Variants in NEK7 observed in about 807,000 individuals in gnomAD.
NEK7 encodes the protein NIMA related kinase 7.
In NEK7, 18 loss-of-function variants were observed where a neutral mutation model predicts 44.6. The ratio of observed to expected loss-of-function variants is 0.40; its 90% CI spans 0.28 to 0.60. NEK7 has a LOEUF of 0.60. NEK7 is among the 20% of genes least tolerant of loss of function. The probability of loss-of-function intolerance (pLI) is 0.38; values close to 1 mark genes in which losing one functional copy is unlikely to be tolerated. For missense variants in NEK7, 256 were observed against 366.5 expected (o/e 0.70, Z 2.46); for synonymous variants, 130 against 121.1 (o/e 1.07, Z -0.48).
intron 7 of NEK7, among the ~76,000 whole-genome samples, chr1:198,286,690 T>C (rs1654381446): frequency 6.6e-6 from 1 of 152,214 alleles, no homozygotes; most frequent in African/African-American, 2.4e-5. Flanking sequence ...AACATCAAGG[T>C]ATCTGTAGGA....
At chr1:198,209,502 A>G (rs929292198) in intron 1 of NEK7, among the ~76,000 whole-genome samples, 1 of 152,258 alleles carries the variant, frequency 6.6e-6, no homozygotes, top group African/African-American at 2.4e-5. Context: ...TAACTATGCA[A>G]TTAACTAAAT....
At chr1:198,209,611 A>G (rs1398096568) in intron 1 of NEK7, among the ~76,000 whole-genome samples, 1 of 152,048 alleles carries the variant, frequency 6.6e-6, no homozygotes, top group Non-Finnish European at 1.5e-5. Context: ...TATTTCATAC[A>G]TTTTAAAATA....
At chr1:198,232,765 G>C in intron 2 of NEK7, 128 bp downstream of exon 2, 1 of 442,814 alleles carries the variant, frequency 2.3e-6, no homozygotes, top group Non-Finnish European at 4.0e-6. Context: ...GAATTTCCAA[G>C]TTTTAATCAG....
chr1:198,276,331 G>A (rs1654017242), intron 5 of NEK7, among the ~76,000 whole-genome samples: 2 of 151,562 alleles, frequency 1.3e-5, no homozygotes, highest in Admixed American at 1.3e-4. Context: ...CACATGATAT[G>A]TTATATTTAT....
At position 198,253,097 on chromosome 1, in the gene NEK7, A is replaced by G; in HGVS notation, c.115A>G (p.Lys39Glu). ...NTLANFRIEK[K>E]IGRGQFSEVY... Reference sequence around the variant, plus strand: ...ATTAGCCAACTTTCGAATAGAAAAGAAAATTGGTCGCGGACAATTTAGTGA... The same window carrying G: ...ATTAGCCAACTTTCGAATAGAAAAGGAAATTGGTCGCGGACAATTTAGTGA... Residue 39 changes from lysine to glutamate, a missense_variant, in exon 3 of 10, where the codon AAA becomes GAA. Around this residue, in one of 3 missense-constraint regions of NEK7, gnomAD observed 96 missense variants for 94.9 expected, o/e 1.01. Transcript: ENST00000367385. 1.2e-6 allele frequency: 2 copies of G among 1,612,298 alleles called. No homozygotes were observed. The highest frequency in any genetic ancestry group is 1.7e-6 in the Non-Finnish European group (2 of 1,178,574).
chr1:198,227,787 T>A (rs372783730), intron 1 of NEK7, among the ~76,000 whole-genome samples: 1 of 152,120 alleles, frequency 6.6e-6, no homozygotes, highest in Non-Finnish European at 1.5e-5. Context: ...CAGATGAATA[T>A]ATTGCAAAAA....
intron 1 of NEK7, chr1:198,198,168 C>T (rs1366515230): frequency 2.7e-5 from 20 of 753,210 alleles, no homozygotes; most frequent in African/African-American, 5.5e-5. Flanking sequence ...CCTGGCTGGC[C>T]GGCATTGGGA....
At chr1:198,255,894 C>T (rs1385940110) in intron 3 of NEK7, among the ~76,000 whole-genome samples, 2 of 152,128 alleles carry the variant, frequency 1.3e-5, no homozygotes, top group East Asian at 1.9e-4. Flanking sequence ...TGACATATTA[C>T]ACTTGTGCTG....
intron 1 of NEK7, among the ~76,000 whole-genome samples, chr1:198,183,135 G>C (rs574364105): frequency 6.6e-6 from 1 of 152,178 alleles, no homozygotes; most frequent in Non-Finnish European, 1.5e-5. Context: ...CAAAATGGTG[G>C]TATTTGTGAA....
chr1:198,270,721 T>G (rs1005715075), intron 5 of NEK7, among the ~76,000 whole-genome samples: 1 of 152,096 alleles, frequency 6.6e-6, no homozygotes, highest in African/African-American at 2.4e-5. Flanking sequence ...TAAGATTAAT[T>G]TTACATACTG....
At chr1:198,255,521 G>T (rs1336800961) in intron 3 of NEK7, among the ~76,000 whole-genome samples, 2 of 152,092 alleles carry the variant, frequency 1.3e-5, no homozygotes, top group South Asian at 2.1e-4. Flanking sequence ...ATGGAGGAAG[G>T]GGTGGAGGGA....
chr1:198,179,677 G>A (rs926170231), intron 1 of NEK7, among the ~76,000 whole-genome samples: 4 of 152,146 alleles, frequency 2.6e-5, no homozygotes, highest in African/African-American at 9.6e-5. Context: ...CTTGAGGACT[G>A]CCTTTATAGT....
intron 1 of NEK7, among the ~76,000 whole-genome samples, chr1:198,200,403 T>C (rs190862261): frequency 1.6e-3 from 238 of 152,286 alleles, no homozygotes; most frequent in Non-Finnish European, 2.1e-3. Context: ...AGGCTTTAAA[T>C]GGTACCACCA....
intron 1 of NEK7, among the ~76,000 whole-genome samples, chr1:198,163,318 C>T (rs1224926395): frequency 3.3e-5 from 5 of 151,944 alleles, no homozygotes; most frequent in Admixed American, 6.6e-5. Flanking sequence ...TATAGTGAGA[C>T]CCTGTCACTA....
chr1:198,302,160 T>A (rs1053056208), intron 9 of NEK7, among the ~76,000 whole-genome samples: 1 of 152,178 alleles, frequency 6.6e-6, no homozygotes, highest in Non-Finnish European at 1.5e-5. Flanking sequence ...ATTTGTTTTT[T>A]AAAAAGATCA....
At chr1:198,198,510 C>A (rs551931067) in intron 1 of NEK7, among the ~76,000 whole-genome samples, 4 of 152,188 alleles carry the variant, frequency 2.6e-5, no homozygotes, top group Non-Finnish European at 4.4e-5. Flanking sequence ...GATTTTCAAG[C>A]CTGTCGACCC....
intron 9 of NEK7, among the ~76,000 whole-genome samples, chr1:198,302,982 CCT>C (rs2103022792): frequency 6.6e-6 from 1 of 152,192 alleles, no homozygotes; most frequent in South Asian, 2.1e-4. Context: ...TTATTTTTCT[CCT>C]CTCTGTTCTT....
chr1:198,288,919 C>T (rs1013747688), intron 7 of NEK7, among the ~76,000 whole-genome samples: 2 of 152,152 alleles, frequency 1.3e-5, no homozygotes, highest in African/African-American at 2.4e-5. Flanking sequence ...TAAATGTTAT[C>T]GGTTGCACTT....
intron 1 of NEK7, among the ~76,000 whole-genome samples, chr1:198,175,622 G>A (rs1234284045): frequency 6.6e-6 from 1 of 152,178 alleles, no homozygotes; most frequent in Non-Finnish European, 1.5e-5. Context: ...GTGAGCATGT[G>A]CTTTTGCCAG....
Sources: gnomAD v4.1 joint callset for allele counts (sites outside exome capture counted in the v4.1 genomes callset) on GRCh38, gnomAD v4.1.1 for gene constraint, gnomAD v4.1.1 regional missense constraint, MANE v1.5 for transcripts, NCBI Gene and HGNC (gene_info 2026-07-23, HGNC 2026-07-21) for gene names.